The following DLG1 variants were observed in gnomAD, a reference collection of about 807,000 sequenced individuals.
DLG1 encodes the protein discs large MAGUK scaffold protein 1.
Under a neutral mutation model 123.4 loss-of-function variants are expected in DLG1, and 42 were observed. The ratio of observed to expected loss-of-function variants is 0.34; its 90% CI spans 0.27 to 0.44. The LOEUF is 0.44. DLG1 is among the 20% of genes least tolerant of loss of function. The probability of loss-of-function intolerance (pLI) is 1.00; values close to 1 mark genes in which losing one functional copy is unlikely to be tolerated. For missense variants in DLG1, 942 were observed against 1,082.6 expected (o/e 0.87, Z 1.82); for synonymous variants, 317 against 356.2 (o/e 0.89, Z 1.24).
chr3:197,183,016 A>G (rs756230642), intron 5 of DLG1, among the ~76,000 whole-genome samples: 1 of 151,938 alleles, frequency 6.6e-6, no homozygotes, highest in Non-Finnish European at 1.5e-5. Context: ...ATTAAGCTAG[A>G]TAAATAATAT....
chr3:197,287,118 C>T (rs922440841), intron 3 of DLG1, among the ~76,000 whole-genome samples: 3 of 151,940 alleles, frequency 2.0e-5, no homozygotes, highest in Non-Finnish European at 4.4e-5. Context: ...GATCCTCCCA[C>T]CCTGGCCTCC....
rs540958646 is a variant in DLG1 at position 197,179,686 on chromosome 3, T to C, written c.483+14739A>G. On this transcript the variant is annotated intron_variant, in intron 5 of 24. Coordinates refer to ENST00000667157, the MANE Select transcript of DLG1 (RefSeq NM_001366207.1). ...CTGTCCTAAGTACTTTATTAATATA[T>C]ACATTAAATTATTTGGTAGAAGTGA... Among the ~76,000 whole-genome samples the C allele has an allele frequency of 3.9e-5, 6 of 152,298 alleles. No individual in the cohort carries two copies. In the South Asian group the frequency reaches 1.2e-3, roughly 32 times the overall value.
At chr3:197,247,135 C>G (rs1752117467) in intron 4 of DLG1, among the ~76,000 whole-genome samples, 1 of 152,172 alleles carries the variant, frequency 6.6e-6, no homozygotes, top group African/African-American at 2.4e-5. Context: ...CTTCCTTCTC[C>G]AAGGGGCACT....
At chr3:197,179,256 C>T (rs59953628) in intron 5 of DLG1, among the ~76,000 whole-genome samples, 2,890 of 152,120 alleles carry the variant, frequency 0.019, 81 homozygotes, top group African/African-American at 0.064. Flanking sequence ...TTGGGGGATG[C>T]TTAGGGGAGC....
intron 13 of DLG1, among the ~76,000 whole-genome samples, chr3:197,110,333 C>G (rs1270625138): frequency 6.6e-6 from 1 of 152,150 alleles, no homozygotes; most frequent in East Asian, 1.9e-4. Flanking sequence ...TCCAGAATTT[C>G]TATTTGGTTC....
intron 3 of DLG1, among the ~76,000 whole-genome samples, chr3:197,292,178 A>C (rs1009798324): frequency 6.6e-6 from 1 of 152,184 alleles, no homozygotes. Flanking sequence ...TCACATTCCT[A>C]ACAGCATTAT....
chr3:197,085,494 T>C, intron 16 of DLG1, 86 bp downstream of exon 16: 2 of 1,366,226 alleles, frequency 1.5e-6, no homozygotes, highest in Non-Finnish European at 2.1e-6. Flanking sequence ...TCCAGGTCCA[T>C]CCATGTTGTC....
intron 11 of DLG1, among the ~76,000 whole-genome samples, chr3:197,125,686 C>T (rs73084573): frequency 0.011 from 1,629 of 152,158 alleles, 31 homozygotes; most frequent in African/African-American, 0.037. Flanking sequence ...AAGCAAGTAA[C>T]TGAGTTGAAG....
At chr3:197,222,348 A>C (rs944286842) in intron 4 of DLG1, among the ~76,000 whole-genome samples, 1 of 152,214 alleles carries the variant, frequency 6.6e-6, no homozygotes, top group African/African-American at 2.4e-5. Flanking sequence ...CCCAAGAAAA[A>C]AGATGTCCAC....
chr3:197,248,166 T>C (rs185245627), intron 4 of DLG1, among the ~76,000 whole-genome samples: 15 of 152,312 alleles, frequency 9.8e-5, no homozygotes, highest in Admixed American at 7.2e-4. Context: ...GCGGCTTTTC[T>C]TACCTTGGTA....
rs768240303 is a variant in DLG1 at position 197,051,706 on chromosome 3, TATA to T, written c.2484-41_2484-39del. 2.7e-6 allele frequency: 4 copies of T among 1,485,418 alleles called. No individual in the cohort carries two copies. In the Admixed American group the frequency reaches 6.9e-5, roughly 26 times the overall value. 92.0% of individuals were successfully genotyped at this position (1,485,418 alleles called of 1,614,324 possible). A position where few individuals can be genotyped will look rare whatever the true frequency, so the allele number is the denominator to read the frequency against. On this transcript the variant is annotated intron_variant, in intron 23 of 24. Transcript: ENST00000667157. The stretch of plus-strand genomic sequence containing the variant: ...ATGTAGAAATTGATAATTACCAAAT[TATA>T]ATACTTTTAAAAAAAAGATGGCAAA...
chr3:197,103,667 G>A (rs1323171233), intron 14 of DLG1, among the ~76,000 whole-genome samples: 1 of 150,814 alleles, frequency 6.6e-6, no homozygotes, highest in Non-Finnish European at 1.5e-5. Context: ...TTACTAGATT[G>A]ATAGAACCTC....
Position 197,274,401 on chromosome 3 carries a change from G to C in DLG1, c.318+8278C>G, listed in dbSNP as rs368002105. Among the ~76,000 whole-genome samples, 8 of 152,210 alleles carry C rather than the reference G, an allele frequency of 5.3e-5. No individual in the cohort carries two copies. In the South Asian group the frequency reaches 8.3e-4, roughly 16 times the overall value. Reference sequence around the variant, plus strand: ...AAATCTGGATATCCATATGTAGAATGAATCTAGACTCCCATTACTCACAAT... The same window carrying C: ...AAATCTGGATATCCATATGTAGAATCAATCTAGACTCCCATTACTCACAAT... On this transcript the variant is annotated intron_variant, in intron 4 of 24. Transcript: ENST00000667157.
intron 1 of DLG1, chr3:197,298,058 C>T: frequency 2.4e-6 from 1 of 420,068 alleles, no homozygotes; most frequent in Non-Finnish European, 3.2e-6. Flanking sequence ...GCACGCCCCA[C>T]CCCCGGAACC....
intron 4 of DLG1, among the ~76,000 whole-genome samples, chr3:197,213,372 T>G (rs972182227): frequency 6.6e-6 from 1 of 152,126 alleles, no homozygotes; most frequent in Admixed American, 6.5e-5. Flanking sequence ...TAATTTATCG[T>G]GAGAAAGGCA....
chr3:197,098,291 T>TA (rs1328337737), intron 14 of DLG1, among the ~76,000 whole-genome samples: 2 of 152,256 alleles, frequency 1.3e-5, no homozygotes, highest in Admixed American at 1.3e-4. Flanking sequence ...ATAGAAGTCC[T>TA]AGTGATTTAA....
chr3:197,255,300 G>A (rs1386213474), intron 4 of DLG1, among the ~76,000 whole-genome samples: 2 of 152,060 alleles, frequency 1.3e-5, no homozygotes, highest in Admixed American at 1.3e-4. Context: ...GGTGGCATTG[G>A]AAATAAAACC....
intron 17 of DLG1, among the ~76,000 whole-genome samples, chr3:197,079,654 A>C (rs1749613569): frequency 6.6e-6 from 1 of 152,250 alleles, no homozygotes; most frequent in Non-Finnish European, 1.5e-5. Context: ...ACATAAAACA[A>C]GCATTAAAAA....
chr3:197,297,827 G>A lies in DLG1; in HGVS notation c.-31-592C>T, dbSNP rs530053418. On this transcript the variant is annotated intron_variant, in intron 1 of 24. Coordinates refer to ENST00000667157, the MANE Select transcript of DLG1 (RefSeq NM_001366207.1). ...AGTTCCGGTGAGCGGCGTGCGCTCG[G>A]AACTGGGGTGCGCCCCGGCCAGACT... 3.0e-6 allele frequency: 3 copies of A among 985,220 alleles called. No homozygotes were observed. In the South Asian group the frequency reaches 1.4e-4, roughly 46 times the overall value. 61.0% of individuals were successfully genotyped at this position (985,220 alleles called of 1,614,324 possible). A position where few individuals can be genotyped will look rare whatever the true frequency, so the allele number is the denominator to read the frequency against.
Sources: allele counts gnomAD v4.1 joint callset (sites outside exome capture counted in the v4.1 genomes callset), GRCh38; gene constraint gnomAD v4.1.1; transcripts MANE v1.5; gene names NCBI Gene and HGNC (gene_info 2026-07-23, HGNC 2026-07-21).